The following DLG2 variants were observed in gnomAD, a reference collection of about 807,000 sequenced individuals.
DLG2 encodes discs large MAGUK scaffold protein 2.
A neutral mutation model predicts 132.5 loss-of-function variants in DLG2; 45 were observed. That is an observed-to-expected ratio of 0.34 (90% CI 0.27 to 0.44). The LOEUF (loss-of-function observed/expected upper bound fraction) is 0.44. Ranked by LOEUF, DLG2 falls within the 20% of genes least tolerant of loss-of-function variation. The pLI is 1.00. For missense variants in DLG2, 1,045 were observed against 1,196.9 expected (o/e 0.87, Z 1.87); for synonymous variants, 424 against 419.6 (o/e 1.01, Z -0.13).
chr11:83,979,037 T>C (rs1174129329), intron 12 of DLG2, among the ~76,000 whole-genome samples: 1 of 152,126 alleles, frequency 6.6e-6, no homozygotes, highest in African/African-American at 2.4e-5. Flanking sequence ...GTTAGAAATA[T>C]GTTACATTAC....
chr11:84,618,511 A>C (rs1320957221), intron 6 of DLG2, among the ~76,000 whole-genome samples: 1 of 152,064 alleles, frequency 6.6e-6, no homozygotes, highest in African/African-American at 2.4e-5. Context: ...TAAAACCAGA[A>C]AAGTGGGCTG....
intron 7 of DLG2, among the ~76,000 whole-genome samples, chr11:84,344,534 T>C (rs1240178052): frequency 1.3e-5 from 2 of 152,210 alleles, no homozygotes; most frequent in Admixed American, 6.5e-5. Context: ...TGGAGATGGT[T>C]GAAAGCTCAG....
intron 18 of DLG2, among the ~76,000 whole-genome samples, chr11:83,641,953 G>A (rs536573708): frequency 3.3e-5 from 5 of 152,082 alleles, no homozygotes; most frequent in African/African-American, 1.2e-4. Flanking sequence ...GAGAGATACA[G>A]AGATGGAGAG....
chr11:84,798,410 T>C (rs1466927028), intron 6 of DLG2, among the ~76,000 whole-genome samples: 1 of 152,122 alleles, frequency 6.6e-6, no homozygotes, highest in Non-Finnish European at 1.5e-5. Context: ...CCCTCTTTCC[T>C]CTCTTTTCCA....
chr11:84,138,671 A>G (rs1488800578), intron 9 of DLG2, among the ~76,000 whole-genome samples: 3 of 152,202 alleles, frequency 2.0e-5, no homozygotes, highest in Non-Finnish European at 4.4e-5. Flanking sequence ...ACTTTAGGCC[A>G]GGCACGGTGG....
chr11:84,107,493 A>AT (rs5793104), intron 9 of DLG2, among the ~76,000 whole-genome samples: 122,779 of 151,834 alleles, frequency 0.81, 50,048 homozygotes, highest in Middle Eastern at 0.9. Flanking sequence ...TCCATCTTTA[A>AT]TTTTCCTTAT....
chr11:84,618,201 G>C (rs2099607843), intron 6 of DLG2, among the ~76,000 whole-genome samples: 2 of 152,162 alleles, frequency 1.3e-5, no homozygotes, highest in South Asian at 4.2e-4. Flanking sequence ...AAGGAGCTTG[G>C]AGAAGTCCAA....
chr11:85,257,507 T>C (rs945335095), intron 4 of DLG2, among the ~76,000 whole-genome samples: 6 of 152,226 alleles, frequency 3.9e-5, no homozygotes, highest in South Asian at 2.1e-4. Context: ...AAAAATGTTA[T>C]TTACAATTCA....
chr11:84,721,099 G>A (rs973988440), intron 6 of DLG2, among the ~76,000 whole-genome samples: 1 of 151,976 alleles, frequency 6.6e-6, no homozygotes, highest in African/African-American at 2.4e-5. Context: ...GGCCCCCACC[G>A]CTACAGCCAC....
intron 3 of DLG2, among the ~76,000 whole-genome samples, chr11:85,410,175 A>G (rs1240681665): frequency 6.6e-6 from 1 of 151,894 alleles, no homozygotes; most frequent in Non-Finnish European, 1.5e-5. Flanking sequence ...TGTACACTTA[A>G]GGGTGTGAAG....
intron 8 of DLG2, among the ~76,000 whole-genome samples, chr11:84,240,309 G>A (rs1465695925): frequency 6.6e-6 from 1 of 152,148 alleles, no homozygotes; most frequent in African/African-American, 2.4e-5. Flanking sequence ...CCTAGGGACT[G>A]TCATATATGA....
At chr11:83,528,020 G>A (rs2095650531) in intron 21 of DLG2, among the ~76,000 whole-genome samples, 1 of 152,152 alleles carries the variant, frequency 6.6e-6, no homozygotes, top group Non-Finnish European at 1.5e-5. Flanking sequence ...GGTTTGACTA[G>A]AGACTCATTA....
At chr11:84,724,025 G>A (rs746553682) in intron 6 of DLG2, among the ~76,000 whole-genome samples, 1 of 152,022 alleles carries the variant, frequency 6.6e-6, no homozygotes, top group African/African-American at 2.4e-5. Context: ...AGCTAGTTAT[G>A]CATCTTTTTT....
chr11:84,346,126 C>G (rs573297856), intron 7 of DLG2, among the ~76,000 whole-genome samples: 8 of 152,088 alleles, frequency 5.3e-5, no homozygotes, highest in African/African-American at 1.9e-4. Flanking sequence ...TTTTCTGAAA[C>G]TAATTACCAA....
intron 18 of DLG2, among the ~76,000 whole-genome samples, chr11:83,697,309 C>A (rs10898148): frequency 0.29 from 44,101 of 152,022 alleles, 8,255 homozygotes; most frequent in African/African-American, 0.53. Context: ...AATACTTGAC[C>A]TCTAATTATC....
chr11:85,405,830 A>T (rs1287233802), intron 3 of DLG2, among the ~76,000 whole-genome samples: 1 of 152,016 alleles, frequency 6.6e-6, no homozygotes, highest in East Asian at 1.9e-4. Flanking sequence ...TTGAATCCAG[A>T]CATGTACCAA....
At chr11:84,572,335 C>T (rs2099487357) in intron 6 of DLG2, among the ~76,000 whole-genome samples, 1 of 152,032 alleles carries the variant, frequency 6.6e-6, no homozygotes, top group Non-Finnish European at 1.5e-5. Context: ...TTGCTTTGGC[C>T]AATGGAATGC....
At chr11:84,560,980 A>C (rs1423261573) in intron 6 of DLG2, among the ~76,000 whole-genome samples, 1 of 152,082 alleles carries the variant, frequency 6.6e-6, no homozygotes, top group Admixed American at 6.6e-5. Flanking sequence ...TCAATGAAAT[A>C]ATTTCATTCC....
At chr11:83,480,464 C>T in intron 22 of DLG2, 1 of 1,518,750 alleles carries the variant, frequency 6.6e-7, no homozygotes, top group Non-Finnish European at 8.8e-7. Context: ...TGAAGAGCAG[C>T]CAGAACGGAA....
Sources: gnomAD v4.1 joint callset for allele counts (sites outside exome capture counted in the v4.1 genomes callset) on GRCh38, gnomAD v4.1.1 for gene constraint, MANE v1.5 for transcripts, NCBI Gene and HGNC (gene_info 2026-07-23, HGNC 2026-07-21) for gene names.